Variants in GOLGA3 observed in about 807,000 individuals in gnomAD.
The protein encoded by GOLGA3 is golgin subfamily A member 3.
Under a neutral mutation model 169.4 loss-of-function variants are expected in GOLGA3, and 75 were observed. The ratio of observed to expected loss-of-function variants is 0.44; its 90% CI spans 0.37 to 0.54. The LOEUF is 0.54. Ranked by LOEUF, GOLGA3 falls within the 20% of genes least tolerant of loss-of-function variation. The probability of loss-of-function intolerance (pLI) is 0.00; values close to 1 mark genes in which losing one functional copy is unlikely to be tolerated. For synonymous variants in GOLGA3, 824 were observed against 822.4 expected, an observed-to-expected ratio of 1.00 and a Z score of -0.03; for missense variants, 1,899 against 1,930.0, an observed-to-expected ratio of 0.98 and a Z score of 0.30.
chr12:132,792,139 C>T (rs1197941696), intron 11 of GOLGA3, among the ~76,000 whole-genome samples: 1 of 152,206 alleles, frequency 6.6e-6, no homozygotes, highest in Non-Finnish European at 1.5e-5. Context: ...CACATCTGCA[C>T]AGATGTTATA....
rs764039820 is a variant in GOLGA3, at chr12:132,777,674, G to A, written c.3714C>T (p.Asp1238=). The A allele has an allele frequency of 9.9e-6, 16 of 1,613,772 alleles. No homozygotes were observed. Among genetic ancestry groups the A allele is most frequent in the Middle Eastern group, 1.6e-4 (1 of 6,082 alleles). ...HLVQKLQAEA[D]DLQIREGKHS... Reference sequence around the variant, plus strand: ...GGGGCCCAGGCACTCACTGAAGGTCGTCGGCCTCGGCCTGCAGCTTCTGCA... The same window carrying A: ...GGGGCCCAGGCACTCACTGAAGGTCATCGGCCTCGGCCTGCAGCTTCTGCA... Residue 1238 remains aspartate, a synonymous_variant, in exon 19 of 24, where the codon GAC becomes GAT. Transcript: ENST00000450791. This position sits in a 1 kb window ranked among gnomAD's most constrained non-coding sequence, Gnocchi z 4.7.
chr12:132,812,027 T>TAA (rs983732833), intron 4 of GOLGA3, among the ~76,000 whole-genome samples: 2 of 121,188 alleles, frequency 1.7e-5, no homozygotes, highest in South Asian at 2.6e-4. Flanking sequence ...AAAAAAACAT[T>TAA]AAAAAAAAAA....
chr12:132,818,638 A>G (rs1950088505), intron 2 of GOLGA3, among the ~76,000 whole-genome samples: 1 of 152,234 alleles, frequency 6.6e-6, no homozygotes, highest in Admixed American at 6.5e-5. Context: ...ACAAACACTT[A>G]AAACACAGCT....
At chr12:132,783,867 G>A in intron 16 of GOLGA3, 1 of 1,417,680 alleles carries the variant, frequency 7.1e-7, no homozygotes, top group Non-Finnish European at 9.2e-7. Context: ...TGAGCCACTC[G>A]CCTGGCGAAG....
chr12:132,806,402 C>T (rs911802755), intron 6 of GOLGA3, among the ~76,000 whole-genome samples: 1 of 152,204 alleles, frequency 6.6e-6, no homozygotes, highest in African/African-American at 2.4e-5. Context: ...TCAAAACAGC[C>T]GAAATCACCT....
At position 132,804,512 on chromosome 12, in the gene GOLGA3, G is replaced by T. The variant is rs1048134491; in HGVS notation, c.1597+204C>A. ...AGCTGTCAGCACCAGGGAGGAGGGC[G>T]TGGCGAGGACCAGTCAGGGAAGGAG... On this transcript the variant is annotated intron_variant, in intron 7 of 23. Coordinates refer to ENST00000450791, the MANE Select transcript of GOLGA3 (RefSeq NM_001389683.1). This position sits in a 1 kb window ranked among gnomAD's most constrained non-coding sequence, Gnocchi z 4.1. Among the ~76,000 whole-genome samples the T allele has an allele frequency of 6.6e-6, 1 of 152,074 alleles. No homozygotes were observed. Among genetic ancestry groups the T allele is most frequent in the African/African-American group, 2.4e-5 (1 of 41,396 alleles).
rs764571470 is a variant in GOLGA3 at position 132,777,848 on chromosome 12, C to T, written c.3583-43G>A. On this transcript the variant is annotated intron_variant, in intron 18 of 23. Transcript: ENST00000450791. The surrounding 1 kb of genome is among the most constrained non-coding windows in gnomAD (Gnocchi z 4.7). Reference sequence around the variant, plus strand: ...ACGTTGTCCATGCCCTGCGTGACACCCACAGCTTTATGACGTGCCGGGCGC... The same window carrying T: ...ACGTTGTCCATGCCCTGCGTGACACTCACAGCTTTATGACGTGCCGGGCGC... 2 of 1,607,568 alleles carry T rather than the reference C, an allele frequency of 1.2e-6. No individual in the cohort carries two copies. The highest frequency in any genetic ancestry group is 2.2e-5 in the East Asian group (1 of 44,804).
intron 20 of GOLGA3, 28 bp from the exon 21 acceptor site, chr12:132,776,784 A>G: frequency 6.2e-7 from 1 of 1,611,302 alleles, no homozygotes; most frequent in East Asian, 2.2e-5. Context: ...ACATGGCCAA[A>G]AGAATATTAA....
rs976125548 is a variant in GOLGA3, at chr12:132,777,936, G to T, written c.3583-131C>A. 7.2e-6 allele frequency: 7 copies of T among 977,494 alleles called. No homozygotes were observed. The East Asian group carries it at 1.6e-4, about 22-fold the overall frequency. 60.6% of individuals were successfully genotyped at this position (977,494 alleles called of 1,614,324 possible). The stretch of plus-strand genomic sequence containing the variant: ...GCTGCCGGCGTGTGCTTCTCCACAG[G>T]CCTGTCAAGTTCCTTGTAAAGATGA... On this transcript the variant is annotated intron_variant, in intron 18 of 23. Transcript: ENST00000450791. This position sits in a 1 kb window ranked among gnomAD's most constrained non-coding sequence, Gnocchi z 4.7.
In GOLGA3 at chr12:132,808,132, T is replaced by C; in HGVS notation, c.937A>G (p.Asn313Asp). 6.2e-7 allele frequency: 1 copy of C among 1,608,562 alleles called. No individual in the cohort carries two copies. Residue 313 changes from asparagine to aspartate, a missense_variant, in exon 5 of 24, where the codon AAT becomes GAT. By Grantham distance (23) the Asn-to-Asp change is conservative. Coordinates refer to ENST00000450791, the MANE Select transcript of GOLGA3 (RefSeq NM_001389683.1). ...CTGTACGATGAGCTGTCGCTGTCATTTCCATCCACCTCAGACACGCTGTCT... is the reference window on the plus strand; with the variant it reads ...CTGTACGATGAGCTGTCGCTGTCATCTCCATCCACCTCAGACACGCTGTCT... ...AGDSVSEVDG[N>D]DSDSSSYSSA...
chr12:132,773,025 AACATCGACCAC>A lies in GOLGA3; in HGVS notation c.*69_*79del. The A allele has an allele frequency of 1.9e-6, 2 of 1,068,358 alleles. No homozygotes were observed. Among genetic ancestry groups the A allele is most frequent in the Non-Finnish European group, 2.6e-6 (2 of 762,690 alleles). The allele number at this position is 1,068,358 out of a possible 1,614,324, so 66.2% of individuals were successfully genotyped here. A position where few individuals can be genotyped will look rare whatever the true frequency, so the allele number is the denominator to read the frequency against. On this transcript the variant is annotated 3_prime_UTR_variant, in exon 24 of 24. Transcript: ENST00000450791. ...AAACTTAAATTTCATGTCTTAGAAA[AACATCGACCAC>A]ACAATCAAATAAATAACATTGATAA...
intron 4 of GOLGA3, among the ~76,000 whole-genome samples, chr12:132,810,980 G>A (rs1264199976): frequency 1.3e-5 from 2 of 152,200 alleles, no homozygotes; most frequent in Non-Finnish European, 2.9e-5. Context: ...CTGATATGCA[G>A]AAATAACGGC....
intron 16 of GOLGA3, among the ~76,000 whole-genome samples, chr12:132,782,827 G>C (rs1170872418): frequency 6.7e-6 from 1 of 148,194 alleles, no homozygotes; most frequent in Non-Finnish European, 1.5e-5. Context: ...AGTGAGCTGA[G>C]ATTGTGCCCC....
intron 13 of GOLGA3, 79 bp downstream of exon 13, chr12:132,788,948 C>G: frequency 7.7e-7 from 1 of 1,306,940 alleles, no homozygotes; most frequent in Non-Finnish European, 1.0e-6. Flanking sequence ...GGCCCCGCCC[C>G]AGACACAGGC....
intron 7 of GOLGA3, among the ~76,000 whole-genome samples, chr12:132,803,763 A>G (rs4758939): frequency 0.69 from 105,515 of 152,054 alleles, 36,908 homozygotes; most frequent in East Asian, 0.8. Flanking sequence ...ACAGCCTCAT[A>G]GGCGGACCGG....
chr12:132,804,610 G>A lies in GOLGA3; in HGVS notation c.1597+106C>T. On this transcript the variant is annotated intron_variant, in intron 7 of 23. Transcript: ENST00000450791. The surrounding 1 kb of genome is among the most constrained non-coding windows in gnomAD (Gnocchi z 4.1). ...CGAGGAAGGAGGAGGGAGCAGCAAGGACCAGTCAGGGAAGGAGGAGGGCGT... is the reference window on the plus strand; with the variant it reads ...CGAGGAAGGAGGAGGGAGCAGCAAGAACCAGTCAGGGAAGGAGGAGGGCGT... 1 of 914,742 alleles carries A rather than the reference G, an allele frequency of 1.1e-6. No homozygotes were observed. Among genetic ancestry groups the A allele is most frequent in the Non-Finnish European group, 1.7e-6 (1 of 583,344 alleles). The allele number at this position is 914,742 out of a possible 1,614,324, so 56.7% of individuals were successfully genotyped here. A position where few individuals can be genotyped will look rare whatever the true frequency, so the allele number is the denominator to read the frequency against.
chr12:132,775,356 T>C (rs775338835), intron 21 of GOLGA3, 51 bp from the exon 22 acceptor site: 2 of 1,494,598 alleles, frequency 1.3e-6, no homozygotes, highest in African/African-American at 2.8e-5. Flanking sequence ...TTAAACATCC[T>C]GCCAAGATCC....
At position 132,822,231 on chromosome 12, in the gene GOLGA3, C is replaced by T; in HGVS notation, c.-103G>A. The T allele has an allele frequency of 6.9e-7, 1 of 1,449,778 alleles. No homozygotes were observed. The highest frequency in any genetic ancestry group is 9.0e-7 in the Non-Finnish European group (1 of 1,109,822). The allele number at this position is 1,449,778 out of a possible 1,614,324, so 89.8% of individuals were successfully genotyped here. A position where few individuals can be genotyped will look rare whatever the true frequency, so the allele number is the denominator to read the frequency against. On this transcript the variant is annotated 5_prime_UTR_variant, in exon 2 of 24. Coordinates refer to ENST00000450791, the MANE Select transcript of GOLGA3 (RefSeq NM_001389683.1). ...AACAGCCAAGAGCTCCTGGGAGGGG[C>T]CCTACTGTGTCTCCCATTTTCAGGA... is the stretch of plus-strand genomic sequence containing the variant.
rs2044775380 is a variant in GOLGA3 at position 132,768,977 on chromosome 12, A to G, written c.*4128T>C. 6.5e-6 allele frequency: 1 copy of G among 152,688 alleles called. No individual in the cohort carries two copies. Among genetic ancestry groups the G allele is most frequent in the Non-Finnish European group, 1.5e-5 (1 of 68,042 alleles). 9.5% of individuals were successfully genotyped at this position (152,688 alleles called of 1,614,324 possible). On this transcript the variant is annotated 3_prime_UTR_variant, in exon 24 of 24. Coordinates refer to ENST00000450791, the MANE Select transcript of GOLGA3 (RefSeq NM_001389683.1). Reference sequence around the variant, plus strand: ...AATTCCCAAGCACACTTACATTTGTAAAAAATCAACGTGCTTTTTAAAGTT... The same window carrying G: ...AATTCCCAAGCACACTTACATTTGTGAAAAATCAACGTGCTTTTTAAAGTT...
Sources: allele counts gnomAD v4.1 joint callset (sites outside exome capture counted in the v4.1 genomes callset), GRCh38; gene constraint gnomAD v4.1.1; non-coding constraint Gnocchi (gnomAD v3.1); transcripts MANE v1.5; gene names NCBI Gene and HGNC (gene_info 2026-07-23, HGNC 2026-07-21).